Variants in HSP90B1 observed in about 807,000 individuals in gnomAD.
HSP90B1 encodes heat shock protein 90 beta family member 1.
HSP90B1 carries 27 observed loss-of-function variants against 100.4 expected under a neutral mutation model. The ratio of observed to expected loss-of-function variants is 0.27; its 90% CI spans 0.20 to 0.37. HSP90B1 has a LOEUF of 0.37. Among genes scored for constraint, HSP90B1 ranks in the 10% least tolerant of loss-of-function variants. The probability of loss-of-function intolerance (pLI) is 1.00; values close to 1 mark genes in which losing one functional copy is unlikely to be tolerated. For missense variants in HSP90B1, 678 were observed against 960.5 expected (o/e 0.71, Z 3.89); for synonymous variants, 304 against 330.8 (o/e 0.92, Z 0.88).
chr12:103,944,466 C>T (rs1870167796), intron 14 of HSP90B1, among the ~76,000 whole-genome samples: 1 of 152,048 alleles, frequency 6.6e-6, no homozygotes, highest in African/African-American at 2.4e-5. Flanking sequence ...TGACTTCTCC[C>T]CTACTTTTAT....
In HSP90B1 at chr12:103,941,697, C is replaced by T; in HGVS notation, c.1299C>T (p.Val433=). Residue 433 remains valine, a synonymous_variant, in exon 10 of 18, where the codon GTC becomes GTT. Transcript: ENST00000299767. ...HDMMPKYLNF[V]KGVVDSDDLP... ...TGATGCCTAAATACCTCAATTTTGT[C>T]AAGGGTGTGGTAAGTATCTGAAGTT... 6.2e-7 allele frequency: 1 copy of T among 1,613,780 alleles called. No individual in the cohort carries two copies. The highest frequency in any genetic ancestry group is 8.5e-7 in the Non-Finnish European group (1 of 1,179,806).
At position 103,931,554 on chromosome 12, in the gene HSP90B1, A is replaced by T. The variant is rs777102409; in HGVS notation, c.83A>T (p.Asp28Val). Residue 28 changes from aspartate (D) to valine (V), a missense_variant, in exon 2 of 18, where the codon GAT (aspartate) becomes GTT (valine). By Grantham distance (152) the Asp-to-Val change is radical. This residue lies in a region of HSP90B1 where 88 missense variants were observed against 88.2 expected (regional missense o/e 1.00). Coordinates refer to ENST00000299767, the MANE Select transcript of HSP90B1 (RefSeq NM_003299.3). The stretch of plus-strand genomic sequence containing the variant: ...AGAGCTGACGATGAAGTTGATGTGG[A>T]TGGTACAGTAGAAGAGGATCTGGGT... ...SVRADDEVDV[D>V]GTVEEDLGKS... The T allele has an allele frequency of 2.5e-6, 4 of 1,613,698 alleles. No homozygotes were observed. The African/African-American group carries it at 5.3e-5, about 22-fold the overall frequency.
intron 2 of HSP90B1, chr12:103,932,065 C>T: frequency 4.1e-6 from 2 of 485,372 alleles, no homozygotes; most frequent in South Asian, 2.8e-5. Context: ...TTTTTTCTGG[C>T]AATTTTAAGA....
rs538750188 is a variant in HSP90B1, at chr12:103,943,289, T to C, written c.1860T>C (p.Asn620=). The change falls in exon 13 of 18, where the codon AAT becomes AAC. Residue 620 remains asparagine (N), a synonymous_variant. Coordinates refer to ENST00000299767, the MANE Select transcript of HSP90B1 (RefSeq NM_003299.3). This position sits in a 1 kb window ranked among gnomAD's most constrained non-coding sequence, Gnocchi z 5.3. ...AVEKEFEPLL[N]WMKDKALKDK... The stretch of plus-strand genomic sequence containing the variant: ...AGAAAGAATTTGAGCCTCTGCTGAA[T>C]TGGATGAAAGATAAAGCCCTTAAGG... 1.4e-5 allele frequency: 23 copies of C among 1,613,986 alleles called. No individual in the cohort carries two copies. In the East Asian group the frequency reaches 3.8e-4, roughly 27 times the overall value.
chr12:103,946,418 G>C (rs1593493253), intron 14 of HSP90B1, among the ~76,000 whole-genome samples, 200 bp from the exon 15 acceptor site: 1 of 151,550 alleles, frequency 6.6e-6, no homozygotes, highest in South Asian at 2.1e-4. Context: ...TGCTGAACCT[G>C]CACATACGGA....
chr12:103,930,548 C>T lies in HSP90B1; in HGVS notation c.33C>T (p.Cys11=), dbSNP rs371874127. 3.7e-4 allele frequency: 600 copies of T among 1,610,594 alleles called. 1 individual carries two copies. The highest frequency in any genetic ancestry group is 4.8e-4 in the Non-Finnish European group (571 of 1,178,830). The change falls in exon 1 of 18, where the codon TGC becomes TGT. Residue 11 remains cysteine, a synonymous_variant. Transcript: ENST00000299767. This position sits in a 1 kb window ranked among gnomAD's most constrained non-coding sequence, Gnocchi z 4.4. MRALWVLGLC[C]VLLTFGSVRA... ...CCCTGTGGGTGCTGGGCCTCTGCTG[C>T]GTCCTGCTGACCTTCGGTGAGTGAT...
At position 103,930,475 on chromosome 12, in the gene HSP90B1, C is replaced by T. The variant is rs539462408; in HGVS notation, c.-41C>T. 46 of 1,573,382 alleles carry T rather than the reference C, an allele frequency of 2.9e-5. No individual in the cohort carries two copies. The highest frequency in any genetic ancestry group is 2.4e-4 in the East Asian group (10 of 41,400). ...CCAGGGGTGGGGGGTGGAGGCGGCT[C>T]CTGCGATCGAAGGGGACTTGAGACT... On this transcript the variant is annotated 5_prime_UTR_variant, in exon 1 of 18. Transcript: ENST00000299767. The surrounding 1 kb of genome is among the most constrained non-coding windows in gnomAD (Gnocchi z 4.4).
Position 103,941,499 on chromosome 12 carries a change from A to G in HSP90B1, c.1182A>G (p.Pro394=), listed in dbSNP as rs1870076982. ...TTTTATTTGTACCCACATCTGCTCCACGTGGTCTGTTTGACGAATATGGAT... is the reference window on the plus strand; with the variant it reads ...TTTTATTTGTACCCACATCTGCTCCGCGTGGTCTGTTTGACGAATATGGAT... ...KSILFVPTSA[P]RGLFDEYGSK... Residue 394 remains proline (P), a synonymous_variant, in exon 9 of 18, where the codon CCA becomes CCG. Transcript: ENST00000299767. The G allele has an allele frequency of 6.2e-7, 1 of 1,613,996 alleles. No homozygotes were observed. Among genetic ancestry groups the G allele is most frequent in the African/African-American group, 1.3e-5 (1 of 74,938 alleles).
intron 2 of HSP90B1, 137 bp downstream of exon 2, chr12:103,931,760 G>C (rs747148473): frequency 3.1e-5 from 22 of 703,572 alleles, no homozygotes; most frequent in Non-Finnish European, 5.0e-5. Context: ...TGAGTTGTGT[G>C]CATACATACC....
intron 12 of HSP90B1, 99 bp from the exon 13 acceptor site, chr12:103,942,975 A>G: frequency 6.6e-7 from 1 of 1,505,774 alleles, no homozygotes; most frequent in South Asian, 1.3e-5. Context: ...TTCACCTGTA[A>G]AATGGAGTTT....
chr12:103,943,349 A>C lies in HSP90B1; in HGVS notation c.1890+30A>C. The C allele has an allele frequency of 6.2e-7, 1 of 1,602,654 alleles. No homozygotes were observed. The highest frequency in any genetic ancestry group is 8.5e-7 in the Non-Finnish European group (1 of 1,170,752). On this transcript the variant is annotated intron_variant, in intron 13 of 17. Transcript: ENST00000299767. The surrounding 1 kb of genome is among the most constrained non-coding windows in gnomAD (Gnocchi z 5.3). The stretch of plus-strand genomic sequence containing the variant: ...TGTGGAAATTACAAATTGTGGAAAT[A>C]TTAGTATCAGCATTTAAGAGAAAGT...
At chr12:103,938,170 CAA>C (rs34582471) in intron 6 of HSP90B1, 168 bp from the exon 7 acceptor site, 9,035 of 357,710 alleles carry the variant, frequency 0.025, no homozygotes, top group South Asian at 0.031. Flanking sequence ...GACTCTGTCT[CAA>C]AAAAAAAAAA....
intron 8 of HSP90B1, among the ~76,000 whole-genome samples, chr12:103,941,171 C>A (rs772054694): frequency 2.6e-5 from 4 of 152,154 alleles, no homozygotes; most frequent in Non-Finnish European, 4.4e-5. Flanking sequence ...TATTGACAAT[C>A]ATCATCAAAA....
At chr12:103,933,339 A>G (rs1205299584) in intron 4 of HSP90B1, among the ~76,000 whole-genome samples, 1 of 152,246 alleles carries the variant, frequency 6.6e-6, no homozygotes. Context: ...GCTGGGACAG[A>G]GGCGTGGGCA....
intron 7 of HSP90B1, chr12:103,938,903 T>C (rs1167548250): frequency 1.3e-5 from 2 of 152,342 alleles, no homozygotes; most frequent in African/African-American, 4.8e-5. Flanking sequence ...GAATATATAA[T>C]ATGTATTTCC....
At chr12:103,932,150 T>G (rs1869784698) in intron 2 of HSP90B1, 127 bp from the exon 3 acceptor site, 1 of 679,216 alleles carries the variant, frequency 1.5e-6, no homozygotes. Context: ...ATCAGTTATA[T>G]TTTATAAAGG....
rs757416991 is a variant in HSP90B1 at position 103,941,685 on chromosome 12, C to T, written c.1287C>T (p.Tyr429=). 80 of 1,613,788 alleles carry T rather than the reference C, an allele frequency of 5.0e-5. No homozygotes were observed. Among genetic ancestry groups the T allele is most frequent in the Non-Finnish European group, 6.3e-5 (74 of 1,179,934 alleles). ...TDDFHDMMPK[Y]LNFVKGVVDS... is the part of the protein sequence containing the mutation. ...ACTTCCATGATATGATGCCTAAATA[C>T]CTCAATTTTGTCAAGGGTGTGGTAA... Residue 429 remains tyrosine, a synonymous_variant, in exon 10 of 18, where the codon TAC becomes TAT. Coordinates refer to ENST00000299767, the MANE Select transcript of HSP90B1 (RefSeq NM_003299.3).
At chr12:103,931,376 T>TTTGGTAAAG (rs1451216050) in intron 1 of HSP90B1, 145 bp from the exon 2 acceptor site, 1 of 604,604 alleles carries the variant, frequency 1.7e-6, no homozygotes, top group African/African-American at 1.9e-5. Flanking sequence ...TGGCTTTACC[T>TTTGGTAAAG]TTGGTATTTA....
Position 103,938,382 on chromosome 12 carries a change from AAAG to A in HSP90B1, c.903_905del (p.Glu302del). 2 of 1,571,108 alleles carry A rather than the reference AAAG, an allele frequency of 1.3e-6. No individual in the cohort carries two copies. Among genetic ancestry groups the A allele is most frequent in the Non-Finnish European group, 1.7e-6 (2 of 1,151,430 alleles). ...GCCCATGGAGGAAGAAGAAGCAGCCAAAGAAGAGAAAGAAGAATCTGATGATGA... is the reference window on the plus strand; with the variant it reads ...GCCCATGGAGGAAGAAGAAGCAGCCAAAGAGAAAGAAGAATCTGATGATGA... On this transcript the variant is annotated inframe_deletion, in exon 7 of 18. Transcript: ENST00000299767.
Sources: allele counts gnomAD v4.1 joint callset (sites outside exome capture counted in the v4.1 genomes callset), GRCh38; gene constraint gnomAD v4.1.1; regional missense constraint gnomAD v4.1.1; non-coding constraint Gnocchi (gnomAD v3.1); transcripts MANE v1.5; gene names NCBI Gene and HGNC (gene_info 2026-07-23, HGNC 2026-07-21).